Variants in CACNA1D observed in about 807,000 individuals in gnomAD.
CACNA1D encodes the protein calcium voltage-gated channel subunit alpha1 D, also known as voltage-dependent L-type calcium channel subunit alpha-1D.
CACNA1D carries 55 observed loss-of-function variants against 257.1 expected under a neutral mutation model. The observed-to-expected ratio is 0.21, with a 90% CI of 0.17 to 0.27. CACNA1D has a LOEUF of 0.27. Among genes scored for constraint, CACNA1D ranks in the 10% least tolerant of loss-of-function variants. The pLI is 1.00. For missense variants in CACNA1D, 1,876 were observed against 2,784.0 expected (o/e 0.67, Z 7.34); for synonymous variants, 980 against 1,014.9 (o/e 0.97, Z 0.65).
chr3:53,507,709 T>C (rs889317235), intron 3 of CACNA1D, among the ~76,000 whole-genome samples: 1 of 152,158 alleles, frequency 6.6e-6, no homozygotes, highest in East Asian at 1.9e-4. Context: ...ATTTGGTTTG[T>C]TTTTTTACAA....
At chr3:53,806,894 G>C in intron 45 of CACNA1D, among the ~76,000 whole-genome samples, 1 of 152,046 alleles carries the variant, frequency 6.6e-6, no homozygotes, top group Non-Finnish European at 1.5e-5. Context: ...GAGTTCCACT[G>C]CCTTCCTCGG....
chr3:53,543,435 C>T (rs989963011), intron 3 of CACNA1D, among the ~76,000 whole-genome samples: 5 of 152,076 alleles, frequency 3.3e-5, no homozygotes, highest in Non-Finnish European at 7.3e-5. Context: ...GTGCAGGATT[C>T]AGGGCCCTCT....
chr3:53,695,349 C>G (rs752334267), intron 8 of CACNA1D, among the ~76,000 whole-genome samples: 2 of 152,214 alleles, frequency 1.3e-5, no homozygotes, highest in Non-Finnish European at 2.9e-5. Flanking sequence ...TATTTCAAAA[C>G]TTGTGCCTGT....
At chr3:53,581,675 A>G (rs1197804488) in intron 3 of CACNA1D, among the ~76,000 whole-genome samples, 3 of 152,170 alleles carry the variant, frequency 2.0e-5, no homozygotes, top group South Asian at 2.1e-4. Context: ...TCTCAGCTGA[A>G]GTGCAGGAGA....
At chr3:53,598,424 A>C (rs1032105578) in intron 3 of CACNA1D, among the ~76,000 whole-genome samples, 2 of 151,886 alleles carry the variant, frequency 1.3e-5, no homozygotes, top group Non-Finnish European at 2.9e-5. Context: ...AAAAAAAAAA[A>C]AACCCAAAAA....
intron 37 of CACNA1D, 52 bp downstream of exon 37, chr3:53,777,008 A>T (rs746738982): frequency 7.2e-7 from 1 of 1,385,344 alleles, no homozygotes; most frequent in South Asian, 1.2e-5. Flanking sequence ...AGCTTGCTTC[A>T]TTTAACAAAC....
chr3:53,732,019 A>G lies in CACNA1D; in HGVS notation c.2410A>G (p.Thr804Ala). The change falls in exon 18 of 48, where the codon ACA becomes GCA. Residue 804 changes from threonine (T) to alanine (A), a missense_variant. By Grantham distance (58) the Thr-to-Ala change is moderately conservative. Coordinates refer to ENST00000350061, the MANE Select transcript of CACNA1D (RefSeq NM_001128840.3). ...CAAGATGTCTTTGTCATCCTAGGTT[A>G]CAATTGATGACTATAGAGAAGAGGA... ...NQIANSDNKV[T>A]IDDYREEDED... 1 of 1,602,482 alleles carries G rather than the reference A, an allele frequency of 6.2e-7. No individual in the cohort carries two copies. The highest frequency in any genetic ancestry group is 8.6e-7 in the Non-Finnish European group (1 of 1,169,280).
At chr3:53,542,580 T>TTAAA (rs3054119) in intron 3 of CACNA1D, among the ~76,000 whole-genome samples, 105,051 of 148,786 alleles carry the variant, frequency 0.71, 37,564 homozygotes, top group Middle Eastern at 0.8. Flanking sequence ...ACCCTGTTGC[T>TTAAA]TAAATAAATA....
At position 53,800,858 on chromosome 3, in the gene CACNA1D, C is replaced by G. The variant is rs966988168; in HGVS notation, c.5041-200C>G. ...CAGCTTGCTCCCCAGCTCAGGAAAT[C>G]GGTAACCTTCCTCATCTCGGGGGGA... is the stretch of plus-strand genomic sequence containing the variant. On this transcript the variant is annotated intron_variant, in intron 41 of 47. Coordinates refer to ENST00000350061, the MANE Select transcript of CACNA1D (RefSeq NM_001128840.3). This position sits in a 1 kb window ranked among gnomAD's most constrained non-coding sequence, Gnocchi z 4.3. 6.4e-6 allele frequency: 4 copies of G among 627,836 alleles called. No individual in the cohort carries two copies. In the African/African-American group the frequency reaches 7.3e-5, roughly 11 times the overall value. 38.9% of individuals were successfully genotyped at this position (627,836 alleles called of 1,614,324 possible).
rs2095598402 is a variant in CACNA1D, at chr3:53,811,076, A to G, written c.6193-37A>G. ...GTCCCCCTGCCCTGCAAAGCCTTATAACACCCCCATGCCATCCATCCCTCT... is the reference window on the plus strand; with the variant it reads ...GTCCCCCTGCCCTGCAAAGCCTTATGACACCCCCATGCCATCCATCCCTCT... On this transcript the variant is annotated intron_variant, in intron 47 of 47. Transcript: ENST00000350061. This position sits in a 1 kb window ranked among gnomAD's most constrained non-coding sequence, Gnocchi z 4.2. 1 of 1,579,230 alleles carries G rather than the reference A, an allele frequency of 6.3e-7. No individual in the cohort carries two copies. Among genetic ancestry groups the G allele is most frequent in the East Asian group, 2.2e-5 (1 of 44,674 alleles).
intron 40 of CACNA1D, among the ~76,000 whole-genome samples, chr3:53,797,070 GA>G (rs751628470): frequency 6.6e-6 from 1 of 151,932 alleles, no homozygotes; most frequent in African/African-American, 2.4e-5. Context: ...TTTATCCCAA[GA>G]AAAAAAATGT....
Position 53,665,685 on chromosome 3 carries a change from T to C in CACNA1D, c.792T>C (p.Ile264=), listed in dbSNP as rs1378172751. Reference sequence around the variant, plus strand: ...GTTTACAAGTTGTCCTGAACTCCATTATAAAAGCCATGGTTCCCCTCCTTC... The same window carrying C: ...GTTTACAAGTTGTCCTGAACTCCATCATAAAAGCCATGGTTCCCCTCCTTC... ...VPSLQVVLNS[I]IKAMVPLLHI... The change falls in exon 6 of 48, where the codon ATT becomes ATC. Residue 264 remains isoleucine (I), a synonymous_variant. Transcript: ENST00000350061. The C allele has an allele frequency of 6.2e-7, 1 of 1,613,264 alleles. No individual in the cohort carries two copies. Among genetic ancestry groups the C allele is most frequent in the South Asian group, 1.1e-5 (1 of 91,066 alleles).
chr3:53,755,805 C>T (rs1291647976), intron 29 of CACNA1D, among the ~76,000 whole-genome samples: 1 of 152,022 alleles, frequency 6.6e-6, no homozygotes, highest in African/African-American at 2.4e-5. Flanking sequence ...TTTTCCTGCC[C>T]TTTTTTTCTT....
At chr3:53,496,471 C>CA (rs1439381200) in intron 1 of CACNA1D, among the ~76,000 whole-genome samples, 2 of 152,044 alleles carry the variant, frequency 1.3e-5, no homozygotes, top group South Asian at 4.1e-4. Context: ...ATTTAAAATG[C>CA]AAAAAAGCCC....
At chr3:53,574,605 C>G (rs190758454) in intron 3 of CACNA1D, among the ~76,000 whole-genome samples, 1 of 152,172 alleles carries the variant, frequency 6.6e-6, no homozygotes, top group Non-Finnish European at 1.5e-5. Flanking sequence ...TCCATCCTTG[C>G]GAGCACTTCG....
At chr3:53,503,079 G>A (rs2090672363) in intron 3 of CACNA1D, among the ~76,000 whole-genome samples, 1 of 152,158 alleles carries the variant, frequency 6.6e-6, no homozygotes, top group South Asian at 2.1e-4. Flanking sequence ...AACGATTTAT[G>A]TACAGGATTT....
At chr3:53,733,891 A>T (rs953433450) in intron 19 of CACNA1D, among the ~76,000 whole-genome samples, 1 of 150,176 alleles carries the variant, frequency 6.7e-6, no homozygotes, top group African/African-American at 2.5e-5. Flanking sequence ...TTAAACTGAT[A>T]TTGCTGACAC....
intron 3 of CACNA1D, among the ~76,000 whole-genome samples, chr3:53,583,300 C>T (rs373391044): frequency 7.2e-5 from 11 of 152,100 alleles, no homozygotes; most frequent in East Asian, 5.8e-4. Context: ...TTCCAATGTC[C>T]GTCTTCCTGC....
At chr3:53,794,538 A>T (rs909410401) in intron 40 of CACNA1D, among the ~76,000 whole-genome samples, 5 of 152,206 alleles carry the variant, frequency 3.3e-5, no homozygotes, top group African/African-American at 1.2e-4. Context: ...GGGGTAAAAA[A>T]GTCTACACCT....
Sources: gnomAD v4.1 joint callset for allele counts (sites outside exome capture counted in the v4.1 genomes callset) on GRCh38, gnomAD v4.1.1 for gene constraint, Gnocchi (gnomAD v3.1) non-coding constraint, MANE v1.5 for transcripts, NCBI Gene and HGNC (gene_info 2026-07-23, HGNC 2026-07-21) for gene names.